Variants in TIAM1 observed in about 807,000 individuals in gnomAD.
TIAM1 encodes rho guanine nucleotide exchange factor TIAM1.
TIAM1 carries 65 observed loss-of-function variants against 163.5 expected under a neutral mutation model. The observed-to-expected ratio is 0.40, with a 90% confidence interval of 0.33 to 0.49. The LOEUF is 0.49. TIAM1 is among the 20% of genes least tolerant of loss of function. TIAM1 has a pLI of 0.77. For synonymous variants in TIAM1, 833 were observed against 810.1 expected, an observed-to-expected ratio of 1.03 and a Z score of -0.48; for missense variants, 1,789 against 2,044.7, an observed-to-expected ratio of 0.87 and a Z score of 2.41.
chr21:31,299,693 T>G (rs898515364), intron 2 of TIAM1, among the ~76,000 whole-genome samples: 3 of 152,150 alleles, frequency 2.0e-5, no homozygotes, highest in African/African-American at 7.2e-5. Flanking sequence ...GGATTCATGC[T>G]TGGGGAATGG....
At chr21:31,346,893 G>A (rs1254063225), upstream of TIAM1, among the ~76,000 whole-genome samples, 1 of 151,882 alleles carries the variant, frequency 6.6e-6, no homozygotes, top group Admixed American at 6.6e-5. Context: ...GGGTGGGTGG[G>A]GGGCATATAC....
chr21:31,400,252 G>A (rs1265911711), intron 2 of TIAM1, among the ~76,000 whole-genome samples: 11 of 151,570 alleles, frequency 7.3e-5, no homozygotes, highest in Admixed American at 6.6e-5. Context: ...CTCAGCTCCC[G>A]AGTAGCTGGG....
rs190077966 is a variant in TIAM1 at position 31,122,269 on chromosome 21, T to C, written c.4307-1432A>G. On this transcript the variant is annotated intron_variant, in intron 27 of 27. Coordinates refer to ENST00000541036, the MANE Select transcript of TIAM1 (RefSeq NM_001353694.2). The stretch of plus-strand genomic sequence containing the variant: ...CAAAATGGAAAAAGGGAATAGAAAA[T>C]AGGAAAAAAAACAAACAAACTCTGA... 3.7e-3 allele frequency among the ~76,000 whole-genome samples: 568 copies of C among 151,870 alleles called. 3 individuals are homozygous for C. The highest frequency in any genetic ancestry group is 0.013 in the African/African-American group (527 of 41,414).
chr21:31,464,267 G>A lies in TIAM1; in HGVS notation c.-421-232C>T, dbSNP rs79080393. 3.5e-4 allele frequency among the ~76,000 whole-genome samples: 54 copies of A among 152,298 alleles called. 1 individual carries two copies. The East Asian group carries it at 0.01, about 29-fold the overall frequency. On this transcript the variant is annotated intron_variant, in intron 1 of 28. Coordinates refer to the TIAM1 transcript ENST00000286827. Reference sequence around the variant, plus strand: ...GAAATAAAGATGGAGTCCACACAGAGTCAACCCCGGCACATCACCCTAACA... The same window carrying A: ...GAAATAAAGATGGAGTCCACACAGAATCAACCCCGGCACATCACCCTAACA...
At chr21:31,416,488 C>G (rs2043377097) in intron 2 of TIAM1, among the ~76,000 whole-genome samples, 1 of 151,730 alleles carries the variant, frequency 6.6e-6, no homozygotes, top group Non-Finnish European at 1.5e-5. Flanking sequence ...ACCTTTCCCC[C>G]TGAGTCCCCA....
At chr21:31,549,273 C>T (rs2048602310) in intron 1 of TIAM1, among the ~76,000 whole-genome samples, 1 of 152,160 alleles carries the variant, frequency 6.6e-6, no homozygotes, top group African/African-American at 2.4e-5. Context: ...ATACCACCTA[C>T]ATATGTAGTG....
intron 2 of TIAM1, among the ~76,000 whole-genome samples, chr21:31,280,679 T>C (rs2073510114): frequency 6.6e-6 from 1 of 152,162 alleles, no homozygotes; most frequent in Non-Finnish European, 1.5e-5. Context: ...GTCCCACTGC[T>C]CCACTCCTGT....
intron 13 of TIAM1, among the ~76,000 whole-genome samples, chr21:31,189,251 C>A (rs889387936): frequency 6.6e-6 from 1 of 151,348 alleles, no homozygotes; most frequent in African/African-American, 2.4e-5. Context: ...GATGGGGTTC[C>A]GTCATGCTGG....
At chr21:31,230,816 A>G (rs544006087) in intron 6 of TIAM1, among the ~76,000 whole-genome samples, 11 of 151,930 alleles carry the variant, frequency 7.2e-5, no homozygotes, top group African/African-American at 2.2e-4. Context: ...TTACAGGCGT[A>G]CACCACCAAG....
At chr21:31,506,906 G>C (rs1423772673) in intron 1 of TIAM1, among the ~76,000 whole-genome samples, 1 of 152,176 alleles carries the variant, frequency 6.6e-6, no homozygotes, top group Non-Finnish European at 1.5e-5. Context: ...GACAGAGGGA[G>C]ACCCTGTCTC....
chr21:31,369,233 A>C (rs1056225969), intron 2 of TIAM1, among the ~76,000 whole-genome samples: 27 of 150,438 alleles, frequency 1.8e-4, no homozygotes, highest in Non-Finnish European at 3.4e-4. Flanking sequence ...CTCAAAAAAA[A>C]AGAAAGAAAG....
chr21:31,497,203 T>G (rs1238352205), intron 1 of TIAM1, among the ~76,000 whole-genome samples: 1 of 152,204 alleles, frequency 6.6e-6, no homozygotes, highest in Non-Finnish European at 1.5e-5. Context: ...ACACCCTATG[T>G]TGTCTGTACC....
intron 2 of TIAM1, among the ~76,000 whole-genome samples, chr21:31,360,845 T>C (rs2076395152): frequency 6.6e-6 from 1 of 152,132 alleles, no homozygotes; most frequent in South Asian, 2.1e-4. Flanking sequence ...AAAATGTAAA[T>C]TCAAACCAGG....
intron 1 of TIAM1, among the ~76,000 whole-genome samples, chr21:31,541,657 A>C (rs2048326960): frequency 6.6e-6 from 1 of 152,332 alleles, no homozygotes; most frequent in East Asian, 1.9e-4. Flanking sequence ...CACTACCTGA[A>C]AAGAAACAAA....
intron 2 of TIAM1, among the ~76,000 whole-genome samples, chr21:31,429,781 G>C (rs572835792): frequency 6.6e-6 from 1 of 151,646 alleles, no homozygotes; most frequent in African/African-American, 2.4e-5. Context: ...CATCCAGATG[G>C]GAAGTGGAAG....
intron 2 of TIAM1, among the ~76,000 whole-genome samples, chr21:31,295,280 C>T (rs549618186): frequency 1.5e-4 from 23 of 152,208 alleles, no homozygotes; most frequent in South Asian, 8.3e-4. Flanking sequence ...ACCATCCCGG[C>T]TAACACGGTG....
At chr21:31,459,096 G>A (rs1031272053) in intron 2 of TIAM1, among the ~76,000 whole-genome samples, 5 of 149,742 alleles carry the variant, frequency 3.3e-5, no homozygotes, top group African/African-American at 1.2e-4. Context: ...AACCGGAGGA[G>A]TAAGGAGACT....
intron 12 of TIAM1, among the ~76,000 whole-genome samples, chr21:31,200,087 CA>C: frequency 1.3e-5 from 2 of 152,254 alleles, no homozygotes; most frequent in South Asian, 4.2e-4. Flanking sequence ...AACTTGAATA[CA>C]GGTTCCACCA....
intron 2 of TIAM1, among the ~76,000 whole-genome samples, chr21:31,392,834 C>T (rs1182851501): frequency 6.6e-6 from 1 of 152,068 alleles, no homozygotes; most frequent in African/African-American, 2.4e-5. Flanking sequence ...TGTTCCCTTT[C>T]GCCATGTGAC....
Sources: gnomAD v4.1 joint callset for allele counts (sites outside exome capture counted in the v4.1 genomes callset) on GRCh38, gnomAD v4.1.1 for gene constraint, MANE v1.5 for transcripts, NCBI Gene and HGNC (gene_info 2026-07-23, HGNC 2026-07-21) for gene names.